Variants in C2CD5 observed in about 807,000 individuals in gnomAD.
C2CD5 encodes C2 calcium dependent domain containing 5, also known as C2 domain-containing protein 5.
Under a neutral mutation model 130.3 loss-of-function variants are expected in C2CD5, and 109 were observed. The observed-to-expected ratio is 0.84, with a 90% CI of 0.72 to 0.98. The LOEUF (loss-of-function observed/expected upper bound fraction) is 0.98. Ranked by LOEUF, C2CD5 falls within the 50% of genes least tolerant of loss-of-function variation. C2CD5 has a pLI of 0.00. For synonymous variants in C2CD5, 454 were observed against 429.2 expected, an observed-to-expected ratio of 1.06 and a Z score of -0.71; for missense variants, 996 against 1,261.8, an observed-to-expected ratio of 0.79 and a Z score of 3.19.
chr12:22,490,553 G>T (rs897271326), intron 11 of C2CD5, among the ~76,000 whole-genome samples: 1 of 152,006 alleles, frequency 6.6e-6, no homozygotes, highest in African/African-American at 2.4e-5. Flanking sequence ...GCTGAATCTA[G>T]CATTAATCAA....
At chr12:22,519,465 A>G (rs1041155652) in intron 7 of C2CD5, among the ~76,000 whole-genome samples, 6 of 152,108 alleles carry the variant, frequency 3.9e-5, no homozygotes, top group African/African-American at 9.7e-5. Flanking sequence ...TGATTAATTT[A>G]TTAATTGTGA....
intron 23 of C2CD5, 47 bp from the exon 24 acceptor site, chr12:22,458,632 A>G: frequency 2.6e-6 from 2 of 778,432 alleles, no homozygotes; most frequent in South Asian, 1.1e-4. Context: ...AGAAAAAAAT[A>G]TGGATGATGT....
At chr12:22,497,163 G>C (rs1947123422) in intron 10 of C2CD5, among the ~76,000 whole-genome samples, 1 of 152,208 alleles carries the variant, frequency 6.6e-6, no homozygotes, top group South Asian at 2.1e-4. Context: ...CTCTGGGAGA[G>C]AATAACTCTG....
intron 3 of C2CD5, 63 bp from the exon 4 acceptor site, chr12:22,527,955 T>C (rs1950876523): frequency 1.1e-6 from 1 of 894,034 alleles, no homozygotes; most frequent in East Asian, 2.9e-5. Context: ...CACAAATGTA[T>C]ACCTATATCA....
chr12:22,469,839 A>C, intron 21 of C2CD5, 44 bp from the exon 22 acceptor site: 1 of 1,192,568 alleles, frequency 8.4e-7, no homozygotes, highest in Non-Finnish European at 1.2e-6. Flanking sequence ...ATGATCTATT[A>C]TTAATTTTTT....
intron 14 of C2CD5, among the ~76,000 whole-genome samples, chr12:22,481,840 C>T: frequency 6.8e-6 from 1 of 147,018 alleles, no homozygotes; most frequent in East Asian, 2.0e-4. Context: ...AGTGGTCTCA[C>T]CCGGGCTGGT....
chr12:22,480,427 C>T (rs1012255894), intron 14 of C2CD5, among the ~76,000 whole-genome samples: 1 of 152,234 alleles, frequency 6.6e-6, no homozygotes, highest in South Asian at 2.1e-4. Flanking sequence ...GATTTAAGTG[C>T]ACAAACTATA....
At chr12:22,471,691 CA>C (rs1405988137) in intron 19 of C2CD5, among the ~76,000 whole-genome samples, 2 of 151,616 alleles carry the variant, frequency 1.3e-5, no homozygotes, top group African/African-American at 4.8e-5. Flanking sequence ...CAATAAGTCA[CA>C]AAAAATAATA....
chr12:22,533,170 G>A (rs1286362246), intron 3 of C2CD5, among the ~76,000 whole-genome samples: 2 of 152,150 alleles, frequency 1.3e-5, no homozygotes, highest in Non-Finnish European at 2.9e-5. Flanking sequence ...AAGGGGGGGT[G>A]GTGGGTAGAA....
At chr12:22,469,910 A>G in intron 21 of C2CD5, 115 bp from the exon 22 acceptor site, 2 of 557,098 alleles carry the variant, frequency 3.6e-6, no homozygotes, top group South Asian at 3.0e-5. Flanking sequence ...CCCCACCCCA[A>G]TTTATTCTGG....
intron 3 of C2CD5, among the ~76,000 whole-genome samples, chr12:22,532,658 G>A (rs958252172): frequency 5.3e-5 from 8 of 152,144 alleles, no homozygotes; most frequent in African/African-American, 9.7e-5. Flanking sequence ...GCAAAGCAGC[G>A]CCTAAAAATC....
intron 11 of C2CD5, among the ~76,000 whole-genome samples, chr12:22,492,375 T>C (rs920307405): frequency 6.6e-6 from 1 of 152,060 alleles, no homozygotes; most frequent in African/African-American, 2.4e-5. Flanking sequence ...ACAAACTAGA[T>C]ATAAAAGAGC....
chr12:22,460,389 T>C (rs1348371018), intron 22 of C2CD5: 2 of 152,186 alleles, frequency 1.3e-5, no homozygotes, highest in Non-Finnish European at 2.9e-5. Context: ...TCGGTTGGCT[T>C]AGTATAGTAT....
intron 2 of C2CD5, among the ~76,000 whole-genome samples, chr12:22,539,747 A>G (rs528081785): frequency 6.2e-4 from 94 of 152,134 alleles, no homozygotes; most frequent in Non-Finnish European, 1.1e-3. Context: ...TAATCCCCGC[A>G]CTTTGGGAGG....
intron 24 of C2CD5, among the ~76,000 whole-genome samples, chr12:22,457,803 C>T (rs1461993899): frequency 3.9e-5 from 6 of 152,080 alleles, no homozygotes; most frequent in African/African-American, 1.4e-4. Context: ...TTATCATCAT[C>T]ATCCCCATTT....
rs1209197607 is a variant in C2CD5, at chr12:22,523,542, C to T, written c.684G>A (p.Leu228=). The T allele has an allele frequency of 6.2e-7, 1 of 1,613,996 alleles. No individual in the cohort carries two copies. The highest frequency in any genetic ancestry group is 1.3e-5 in the African/African-American group (1 of 75,014). ...AVVGYLQCFD[L]EGESGLVVRA... The stretch of plus-strand genomic sequence containing the variant: ...GCACCACTAACCCAGACTCGCCCTC[C>T]AGATCGAAACACTGTAAGTACCCCA... The change falls in exon 7 of 27, where the codon CTG becomes CTA. Residue 228 remains leucine, a synonymous_variant. Coordinates refer to ENST00000446597, the MANE Select transcript of C2CD5 (RefSeq NM_001286176.2).
chr12:22,525,233 G>C (rs561562240), intron 5 of C2CD5, among the ~76,000 whole-genome samples: 34 of 152,210 alleles, frequency 2.2e-4, no homozygotes, highest in African/African-American at 7.7e-4. Flanking sequence ...GGCGGGCTGT[G>C]ATCACCAAGA....
At chr12:22,488,355 T>C (rs1250248768) in intron 12 of C2CD5, among the ~76,000 whole-genome samples, 1 of 152,002 alleles carries the variant, frequency 6.6e-6, no homozygotes, top group African/African-American at 2.4e-5. Flanking sequence ...CATCATTTGA[T>C]ATAGGAACTC....
chr12:22,482,591 A>G lies in C2CD5; in HGVS notation c.1703T>C (p.Ile568Thr), dbSNP rs1405708518. The change falls in exon 14 of 27, where the codon ATC becomes ACC. Residue 568 changes from isoleucine (I) to threonine (T), a missense_variant. Physicochemically the swap from Ile to Thr is moderately conservative, Grantham distance 89. Around this residue, in one of 9 missense-constraint regions of C2CD5, gnomAD observed 590 missense variants for 631.4 expected, o/e 0.93. Transcript: ENST00000446597. ...CATCAACATATTTTCACCCACTGTG[A>G]TCTGAATTCTTAGTCCAAACAAAGC... is the stretch of plus-strand genomic sequence containing the variant. ...MNALFGLRIQITVGENMLMGL... is the reference protein window; with the variant it reads ...MNALFGLRIQTTVGENMLMGL... The G allele has an allele frequency of 1.2e-6, 2 of 1,613,866 alleles. No individual in the cohort carries two copies. The highest frequency in any genetic ancestry group is 4.5e-5 in the East Asian group (2 of 44,800).
Sources: gnomAD v4.1 joint callset for allele counts (sites outside exome capture counted in the v4.1 genomes callset) on GRCh38, gnomAD v4.1.1 for gene constraint, gnomAD v4.1.1 regional missense constraint, MANE v1.5 for transcripts, NCBI Gene and HGNC (gene_info 2026-07-23, HGNC 2026-07-21) for gene names.